DGKI: variants seen among roughly 807,000 people sequenced by gnomAD.
DGKI encodes DAG kinase iota.
In DGKI, 55 loss-of-function variants were observed where a neutral mutation model predicts 147.5. The ratio of observed to expected loss-of-function variants is 0.37; its 90% CI spans 0.30 to 0.47. The LOEUF is 0.47. DGKI is among the 20% of genes least tolerant of loss of function. The pLI, the probability that DGKI is intolerant of heterozygous loss-of-function variation, is 1.00. For synonymous variants in DGKI, 469 were observed against 477.1 expected, an observed-to-expected ratio of 0.98 and a Z score of 0.22; for missense variants, 1,007 against 1,323.8, an observed-to-expected ratio of 0.76 and a Z score of 3.71.
chr7:137,820,422 C>G (rs1222884271), intron 1 of DGKI, among the ~76,000 whole-genome samples: 2 of 152,186 alleles, frequency 1.3e-5, no homozygotes, highest in African/African-American at 4.8e-5. Flanking sequence ...CTGGCAGAGA[C>G]CCTTGCAGAT....
Position 137,384,190 on chromosome 7 carries a change from C to CTT in DGKI, c.*7029_*7030insAA, listed in dbSNP as rs1811123853. The CTT allele has an allele frequency of 6.6e-6, 1 of 151,962 alleles. No homozygotes were observed. Among genetic ancestry groups the CTT allele is most frequent in the Non-Finnish European group, 1.5e-5 (1 of 67,924 alleles). 9.4% of individuals were successfully genotyped at this position (151,962 alleles called of 1,614,324 possible). A position where few individuals can be genotyped will look rare whatever the true frequency, so the allele number is the denominator to read the frequency against. The stretch of plus-strand genomic sequence containing the variant: ...AAATAGGACTAACATTTTTTAAATG[C>CTT]TGAGAATCACAAATAAGTTAAAGAA... On this transcript the variant is annotated 3_prime_UTR_variant, in exon 33 of 33. Coordinates refer to ENST00000614521, the MANE Select transcript of DGKI (RefSeq NM_001321708.2).
intron 1 of DGKI, among the ~76,000 whole-genome samples, chr7:137,827,261 A>G (rs1798084370): frequency 1.3e-5 from 2 of 152,204 alleles, no homozygotes; most frequent in African/African-American, 4.8e-5. Context: ...AGCATCACTT[A>G]TAGGCTCAAA....
chr7:137,542,277 G>C (rs570877311), intron 20 of DGKI, among the ~76,000 whole-genome samples: 2 of 152,212 alleles, frequency 1.3e-5, no homozygotes, highest in Admixed American at 6.5e-5. Flanking sequence ...GTTTAACCTA[G>C]AGACATAAAG....
intron 10 of DGKI, among the ~76,000 whole-genome samples, chr7:137,602,367 G>A (rs1480010280): frequency 1.3e-5 from 2 of 152,204 alleles, no homozygotes; most frequent in Non-Finnish European, 2.9e-5. Context: ...AAAGGTCCGA[G>A]TGGCCACAGA....
intron 6 of DGKI, among the ~76,000 whole-genome samples, chr7:137,629,344 T>C (rs1445609008): frequency 2.6e-5 from 4 of 152,334 alleles, no homozygotes; most frequent in East Asian, 3.9e-4. Flanking sequence ...AATCAAACTG[T>C]TGGACCACAT....
intron 19 of DGKI, 56 bp from the exon 20 acceptor site, chr7:137,552,624 G>A: frequency 6.3e-7 from 1 of 1,579,054 alleles, no homozygotes; most frequent in Non-Finnish European, 8.6e-7. Flanking sequence ...TAAGAAAGCT[G>A]GAGGCCAGGC....
chr7:137,445,687 A>T (rs1180627050), intron 27 of DGKI, among the ~76,000 whole-genome samples: 2 of 152,184 alleles, frequency 1.3e-5, no homozygotes, highest in Non-Finnish European at 2.9e-5. Context: ...CTTCCCAAAA[A>T]GTCATCATGT....
intron 1 of DGKI, among the ~76,000 whole-genome samples, chr7:137,694,029 A>C (rs1428008059): frequency 1.3e-5 from 2 of 152,210 alleles, no homozygotes; most frequent in African/African-American, 2.4e-5. Flanking sequence ...GAAATTTAAA[A>C]ATTTATGGAA....
At chr7:137,599,946 A>C in intron 10 of DGKI, 41 bp from the exon 11 acceptor site, 3 of 1,519,188 alleles carry the variant, frequency 2.0e-6, no homozygotes, top group Non-Finnish European at 2.7e-6. Context: ...AATAGGAAGA[A>C]ATTTCCCAAG....
At chr7:137,477,453 C>T (rs1469416667) in intron 23 of DGKI, among the ~76,000 whole-genome samples, 2 of 152,022 alleles carry the variant, frequency 1.3e-5, no homozygotes. Flanking sequence ...ACATTGGCAA[C>T]AATACTACAC....
chr7:137,592,900 C>G (rs892382695), intron 12 of DGKI, among the ~76,000 whole-genome samples: 4 of 152,068 alleles, frequency 2.6e-5, no homozygotes, highest in Non-Finnish European at 4.4e-5. Context: ...AATATAGAAT[C>G]CACACTGAAG....
intron 20 of DGKI, among the ~76,000 whole-genome samples, chr7:137,551,878 G>A (rs1818056815): frequency 6.6e-6 from 1 of 152,096 alleles, no homozygotes; most frequent in Admixed American, 6.5e-5. Context: ...GGAACATCAG[G>A]AAGGGAACAA....
At chr7:137,667,453 G>GTA (rs1187454913) in intron 3 of DGKI, among the ~76,000 whole-genome samples, 2 of 152,240 alleles carry the variant, frequency 1.3e-5, no homozygotes, top group South Asian at 4.2e-4. Flanking sequence ...TTGAGCCTTA[G>GTA]TATAAACTAG....
intron 1 of DGKI, among the ~76,000 whole-genome samples, chr7:137,737,008 C>T (rs548310525): frequency 3.6e-4 from 54 of 152,020 alleles, no homozygotes; most frequent in African/African-American, 1.3e-3. Flanking sequence ...TGAACTAACT[C>T]TTAAAAATCA....
rs149369615 is a variant in DGKI at position 137,704,729 on chromosome 7, G to A, written c.402-14727C>T. 1.3e-3 allele frequency among the ~76,000 whole-genome samples: 196 copies of A among 152,212 alleles called. 1 individual carries two copies. Among genetic ancestry groups the A allele is most frequent in the African/African-American group, 4.5e-3 (188 of 41,542 alleles). On this transcript the variant is annotated intron_variant, in intron 1 of 32. Coordinates refer to ENST00000614521, the MANE Select transcript of DGKI (RefSeq NM_001321708.2). ...CATCTAGAAACATCATAGTCAAAATGTCAAAAGTAAAAGATAAAGAGAGTA... is the reference window on the plus strand; with the variant it reads ...CATCTAGAAACATCATAGTCAAAATATCAAAAGTAAAAGATAAAGAGAGTA...
At chr7:137,487,570 G>T in intron 22 of DGKI, 40 bp downstream of exon 22, 1 of 1,540,194 alleles carries the variant, frequency 6.5e-7, no homozygotes, top group Non-Finnish European at 9.0e-7. Context: ...TACAAAAATG[G>T]AAAGTTGAGG....
intron 10 of DGKI, among the ~76,000 whole-genome samples, chr7:137,605,651 T>C (rs1820159406): frequency 6.6e-6 from 1 of 152,232 alleles, no homozygotes; most frequent in African/African-American, 2.4e-5. Flanking sequence ...ATCCTGTCAT[T>C]TGCAGCAACA....
intron 1 of DGKI, among the ~76,000 whole-genome samples, chr7:137,707,999 G>T (rs1794093397): frequency 6.6e-6 from 1 of 152,146 alleles, no homozygotes; most frequent in African/African-American, 2.4e-5. Context: ...CTATCCCTAA[G>T]GTTTCAATTA....
At chr7:137,591,472 T>C (rs1434822405) in intron 12 of DGKI, among the ~76,000 whole-genome samples, 1 of 152,084 alleles carries the variant, frequency 6.6e-6, no homozygotes, top group Non-Finnish European at 1.5e-5. Flanking sequence ...CCTCCACAGC[T>C]CCTGAATAGT....
Sources: gnomAD v4.1 joint callset for allele counts (sites outside exome capture counted in the v4.1 genomes callset) on GRCh38, gnomAD v4.1.1 for gene constraint, MANE v1.5 for transcripts, NCBI Gene and HGNC (gene_info 2026-07-23, HGNC 2026-07-21) for gene names.